Variants in HHLA2 observed in about 807,000 individuals in gnomAD.
HHLA2 encodes the protein HERV-H LTR-associating protein 2.
HHLA2 carries 48 observed loss-of-function variants against 45.9 expected under a neutral mutation model. The observed-to-expected ratio is 1.05, with a 90% CI of 0.83 to 1.33. The LOEUF is 1.33. Ranked by LOEUF, HHLA2 falls within the 40% of genes most tolerant of loss-of-function variation. HHLA2 has a pLI of 0.00. For synonymous variants in HHLA2, 161 were observed against 173.9 expected (o/e 0.93, Z 0.59); for missense variants, 462 against 494.3 (o/e 0.93, Z 0.62).
chr3:108,367,466 G>A (rs950279289), intron 8 of HHLA2, among the ~76,000 whole-genome samples: 1 of 151,954 alleles, frequency 6.6e-6, no homozygotes, highest in African/African-American at 2.4e-5. Context: ...TTGATAAAAG[G>A]TTACAGGAAC....
At chr3:108,313,354 C>T (rs1047363190) in intron 2 of HHLA2, among the ~76,000 whole-genome samples, 1 of 152,038 alleles carries the variant, frequency 6.6e-6, no homozygotes, top group African/African-American at 2.4e-5. Flanking sequence ...TGATTGGATC[C>T]CAACCATTGG....
intron 1 of HHLA2, chr3:108,302,422 T>C (rs1221903495): frequency 6.6e-6 from 1 of 152,226 alleles, no homozygotes; most frequent in Admixed American, 6.5e-5. Context: ...CCCCTGCTAA[T>C]TGCATTTTGA....
At chr3:108,342,560 T>C (rs2081592649) in intron 3 of HHLA2, among the ~76,000 whole-genome samples, 1 of 152,162 alleles carries the variant, frequency 6.6e-6, no homozygotes, top group South Asian at 2.1e-4. Flanking sequence ...CCACTGCGCC[T>C]GGCCTGGCTC....
chr3:108,302,311 T>A (rs1228095433), intron 1 of HHLA2, among the ~76,000 whole-genome samples: 1 of 152,222 alleles, frequency 6.6e-6, no homozygotes, highest in Admixed American at 6.5e-5. Flanking sequence ...TACTGGAAAC[T>A]GTAAATATTT....
intron 2 of HHLA2, among the ~76,000 whole-genome samples, chr3:108,315,164 G>C (rs1437871483): frequency 6.6e-6 from 1 of 152,162 alleles, no homozygotes; most frequent in Non-Finnish European, 1.5e-5. Context: ...TGTGTGCCAG[G>C]GGTGCATCCT....
chr3:108,377,564 G>T (rs1274316252), exon 11 of HHLA2: 1 of 375,260 alleles, frequency 2.7e-6, no homozygotes, highest in Non-Finnish European at 4.9e-6. Flanking sequence ...TTCTGTTACA[G>T]TCAGCCCAGG....
chr3:108,366,823 T>TTA (rs946010132), intron 8 of HHLA2, among the ~76,000 whole-genome samples: 7 of 152,240 alleles, frequency 4.6e-5, no homozygotes, highest in African/African-American at 1.4e-4. Flanking sequence ...GATATCCCCT[T>TTA]TATCATTTTT....
chr3:108,365,613 A>T (rs957666235), intron 8 of HHLA2, among the ~76,000 whole-genome samples: 1 of 147,990 alleles, frequency 6.8e-6, no homozygotes, highest in African/African-American at 2.4e-5. Context: ...CGATATTCAT[A>T]AGTATGAAAT....
chr3:108,318,217 G>A (rs13059907), intron 2 of HHLA2, among the ~76,000 whole-genome samples: 148,260 of 151,718 alleles, frequency 0.98, 72,555 homozygotes, highest in East Asian at 1. Flanking sequence ...AGCTTTGACT[G>A]TAGCCAATTT....
intron 2 of HHLA2, among the ~76,000 whole-genome samples, chr3:108,314,629 G>A (rs569472465): frequency 2.0e-5 from 3 of 152,244 alleles, no homozygotes; most frequent in Non-Finnish European, 2.9e-5. Context: ...ACGGGAAGGT[G>A]AGGAGAGGGC....
Position 108,368,721 on chromosome 3 carries a change from G to A in HHLA2, c.1108+6275G>A, listed in dbSNP as rs143012379. ...TATGCACCCAATACAGGAGCATCCA[G>A]ATTCATAAAGCAAGTTCTTAGAGAT... On this transcript the variant is annotated intron_variant, in intron 8 of 10. Coordinates refer to ENST00000619531, the Ensembl canonical transcript of HHLA2. 3.3e-3 allele frequency among the ~76,000 whole-genome samples: 505 copies of A among 151,606 alleles called. 4 individuals are homozygous for A. Among genetic ancestry groups the A allele is most frequent in the Non-Finnish European group, 3.9e-3 (265 of 67,874 alleles).
intron 3 of HHLA2, among the ~76,000 whole-genome samples, chr3:108,349,975 G>A (rs1331415641): frequency 1.3e-5 from 2 of 152,148 alleles, no homozygotes; most frequent in Non-Finnish European, 2.9e-5. Context: ...GTGAATTTGA[G>A]TTAATTTTTG....
intron 3 of HHLA2, among the ~76,000 whole-genome samples, chr3:108,348,093 T>C (rs2107443189): frequency 6.6e-6 from 1 of 152,192 alleles, no homozygotes; most frequent in Admixed American, 6.5e-5. Context: ...CAGATTATAT[T>C]CAGAGTGTGA....
intron 8 of HHLA2, among the ~76,000 whole-genome samples, chr3:108,370,900 T>C (rs964871625): frequency 6.6e-6 from 1 of 152,196 alleles, no homozygotes; most frequent in Non-Finnish European, 1.5e-5. Context: ...TGGAAAACAC[T>C]CTGGGGAAGT....
intron 3 of HHLA2, among the ~76,000 whole-genome samples, chr3:108,328,691 G>A (rs2081332707): frequency 1.3e-5 from 2 of 152,072 alleles, no homozygotes; most frequent in African/African-American, 4.8e-5. Flanking sequence ...GTTAGGAGTG[G>A]CGTTTTTTAC....
At chr3:108,365,412 G>C (rs192645349) in intron 8 of HHLA2, among the ~76,000 whole-genome samples, 4 of 152,300 alleles carry the variant, frequency 2.6e-5, no homozygotes, top group Admixed American at 2.6e-4. Context: ...TTGTGGTATA[G>C]TCTGAAGTCA....
exon 5 of HHLA2, chr3:108,353,563 TAGCTATAAGGTTCAC>T (rs1254272598): frequency 1.2e-6 from 2 of 1,613,672 alleles, no homozygotes; most frequent in South Asian, 2.2e-5. Flanking sequence ...AGTATCAAGA[TAGCTATAAGGTTCAC>T]AGTTACTACA....
chr3:108,344,155 C>CAG (rs3053483), intron 3 of HHLA2, among the ~76,000 whole-genome samples: 102,522 of 151,722 alleles, frequency 0.68, 35,505 homozygotes, highest in African/African-American at 0.77. Context: ...TTGGGAAAAA[C>CAG]AGTCAAAGCC....
intron 2 of HHLA2, chr3:108,325,842 C>T (rs548229325): frequency 5.5e-6 from 2 of 366,956 alleles, no homozygotes; most frequent in East Asian, 7.2e-5. Context: ...CCTCCACGAC[C>T]ACCACTCACA....
Sources: gnomAD v4.1 joint callset for allele counts (sites outside exome capture counted in the v4.1 genomes callset) on GRCh38, gnomAD v4.1.1 for gene constraint, MANE v1.5 for transcripts, NCBI Gene and HGNC (gene_info 2026-07-23, HGNC 2026-07-21) for gene names.